The following LAMC1 variants were observed in gnomAD, a reference collection of about 807,000 sequenced individuals.
The protein encoded by LAMC1 is laminin subunit gamma 1, also known as laminin subunit gamma-1.
A neutral mutation model predicts 173.6 loss-of-function variants in LAMC1; 38 were observed. The ratio of observed to expected loss-of-function variants is 0.22; its 90% confidence interval spans 0.17 to 0.29. The LOEUF (loss-of-function observed/expected upper bound fraction) is 0.29, where lower values mean the gene tolerates loss of function less well. LAMC1 is among the 10% of genes least tolerant of loss of function. The pLI is 1.00. For synonymous variants in LAMC1, 746 were observed against 749.1 expected (o/e 1.00, Z 0.07); for missense variants, 1,824 against 2,051.8 (o/e 0.89, Z 2.14).
At chr1:183,028,682 A>G (rs888293495) in intron 1 of LAMC1, among the ~76,000 whole-genome samples, 5 of 152,214 alleles carry the variant, frequency 3.3e-5, no homozygotes, top group African/African-American at 7.2e-5. Flanking sequence ...TTAAAATTTC[A>G]TGTATACCCT....
intron 1 of LAMC1, among the ~76,000 whole-genome samples, chr1:183,091,527 C>G (rs926899402): frequency 7.9e-5 from 12 of 152,070 alleles, no homozygotes; most frequent in Non-Finnish European, 1.3e-4. Flanking sequence ...TCTCTAATTA[C>G]TATATGAACA....
chr1:183,026,862 CAT>C (rs1276107521), intron 1 of LAMC1, among the ~76,000 whole-genome samples: 3 of 152,110 alleles, frequency 2.0e-5, no homozygotes, highest in Admixed American at 2.0e-4. Flanking sequence ...GAAAATGAAA[CAT>C]GACATTGTAA....
intron 1 of LAMC1, among the ~76,000 whole-genome samples, chr1:183,035,430 T>C (rs1056359976): frequency 6.6e-6 from 1 of 152,116 alleles, no homozygotes; most frequent in African/African-American, 2.4e-5. Flanking sequence ...CGAGCAATCC[T>C]CCTGCCTTGG....
rs771211298 is a variant in LAMC1 at position 183,128,614 on chromosome 1, G to A, written c.3144G>A (p.Lys1048=). ...VKDKVADHRV[K]LQELESLIAN... ...TTTAGGTTGCTGATCATAGAGTGAAGCTCCAGGAATTAGAGAGTCTCATAG... is the reference window on the plus strand; with the variant it reads ...TTTAGGTTGCTGATCATAGAGTGAAACTCCAGGAATTAGAGAGTCTCATAG... Residue 1048 remains lysine (K), a synonymous_variant, in exon 18 of 28, where the codon AAG becomes AAA. Transcript: ENST00000258341. The A allele has an allele frequency of 2.5e-5, 40 of 1,609,968 alleles. No homozygotes were observed. In the Middle Eastern group the frequency reaches 1.3e-3, roughly 53 times the overall value.
At chr1:183,138,836 C>G (rs930061333) in intron 26 of LAMC1, among the ~76,000 whole-genome samples, 1 of 152,042 alleles carries the variant, frequency 6.6e-6, no homozygotes, top group African/African-American at 2.4e-5. Context: ...GGTGGATCGC[C>G]TGTGGTCAGG....
rs149354039 is a variant in LAMC1, at chr1:183,103,403, G to T, written c.494G>T (p.Arg165Leu). ...SRPESFAIYK[R>L]TREDGPWIPY... ...CCGGAGAGCTTTGCCATTTACAAGC[G>T]CACACGGGAAGACGGGCCCTGGATT... is the stretch of plus-strand genomic sequence containing the variant. Residue 165 changes from arginine to leucine, a missense_variant, in exon 2 of 28, where the codon CGC becomes CTC. Coordinates refer to ENST00000258341, the MANE Select transcript of LAMC1 (RefSeq NM_002293.4). 1.2e-6 allele frequency: 2 copies of T among 1,614,096 alleles called. No homozygotes were observed. Among genetic ancestry groups the T allele is most frequent in the East Asian group, 2.2e-5 (1 of 44,876 alleles).
In LAMC1 at chr1:183,122,249, C is replaced by T. The variant is rs1656497296; in HGVS notation, c.2399C>T (p.Thr800Ile). 6.2e-7 allele frequency: 1 copy of T among 1,613,674 alleles called. No homozygotes were observed. Among genetic ancestry groups the T allele is most frequent in the African/African-American group, 1.3e-5 (1 of 74,912 alleles). The change falls in exon 13 of 28, where the codon ACT becomes ATT. Residue 800 changes from threonine (T) to isoleucine (I), a missense_variant and splice_region_variant. Physicochemically the swap from Thr to Ile is moderately conservative, Grantham distance 89. Transcript: ENST00000258341. ...TGCACCAACTGTCCTACTGGCACCA[C>T]TGGTAAGTCTGCTCGCTTCATCTGC... Reference protein sequence around the residue: ...VVCTNCPTGTTGKRCELCDDG... With the variant: ...VVCTNCPTGTIGKRCELCDDG...
At chr1:183,039,568 T>C (rs1427558614) in intron 1 of LAMC1, among the ~76,000 whole-genome samples, 2 of 152,224 alleles carry the variant, frequency 1.3e-5, no homozygotes, top group African/African-American at 4.8e-5. Flanking sequence ...AGGCTCTTGC[T>C]GGGTTGTTTA....
intron 6 of LAMC1, 31 bp from the exon 7 acceptor site, chr1:183,116,546 C>T (rs758118528): frequency 3.5e-6 from 5 of 1,431,360 alleles, no homozygotes; most frequent in Non-Finnish European, 4.9e-6. Context: ...TCTCCCTTCT[C>T]TGATTGTTTT....
chr1:183,106,397 G>A (rs1655979056), intron 2 of LAMC1, among the ~76,000 whole-genome samples: 1 of 152,196 alleles, frequency 6.6e-6, no homozygotes, highest in Non-Finnish European at 1.5e-5. Context: ...TGGTGAAATC[G>A]TCGTCTCTTT....
chr1:183,133,577 C>A, intron 22 of LAMC1, 27 bp downstream of exon 22: 2 of 1,582,532 alleles, frequency 1.3e-6, no homozygotes, highest in Non-Finnish European at 1.7e-6. Flanking sequence ...TACGCACAGC[C>A]CCACCCCGTC....
chr1:183,112,211 C>T (rs1275658018), intron 4 of LAMC1, among the ~76,000 whole-genome samples: 3 of 152,194 alleles, frequency 2.0e-5, no homozygotes, highest in Non-Finnish European at 4.4e-5. Context: ...TTTGTAAGCA[C>T]TTGCTTGACC....
In LAMC1 at chr1:183,130,372, A is replaced by G. The variant is rs145396708; in HGVS notation, c.3309A>G (p.Leu1103=). 2.4e-4 allele frequency: 391 copies of G among 1,614,146 alleles called. 3 individuals are homozygous for G. The East Asian group carries it at 6.5e-3, about 27-fold the overall frequency. The change falls in exon 19 of 28, where the codon CTA becomes CTG. Residue 1103 remains leucine (L), a synonymous_variant. Transcript: ENST00000258341. The stretch of plus-strand genomic sequence containing the variant: ...TTGACCAGAATTTGATGGATCGCCT[A>G]CAGAGAGTGAATAACACTCTGTCCA... The part of the protein sequence containing the change: ...KDVDQNLMDR[L]QRVNNTLSSQ...
intron 1 of LAMC1, among the ~76,000 whole-genome samples, chr1:183,073,852 G>C (rs2102043000): frequency 6.6e-6 from 1 of 152,270 alleles, no homozygotes; most frequent in South Asian, 2.1e-4. Flanking sequence ...TTACAGCTGT[G>C]TTTAGTATGC....
intron 5 of LAMC1, among the ~76,000 whole-genome samples, chr1:183,114,978 A>G (rs1312268725): frequency 6.6e-6 from 1 of 152,238 alleles, no homozygotes. Flanking sequence ...CAGCAGGATC[A>G]TAGAGACAAT....
Position 183,023,804 on chromosome 1 carries a change from G to A in LAMC1, c.88G>A (p.Ala30Thr), listed in dbSNP as rs752851414. 1 of 1,519,366 alleles carries A rather than the reference G, an allele frequency of 6.6e-7. No individual in the cohort carries two copies. The highest frequency in any genetic ancestry group is 1.4e-5 in the African/African-American group (1 of 71,722). 94.1% of individuals were successfully genotyped at this position (1,519,366 alleles called of 1,614,324 possible). Residue 30 changes from alanine (A) to threonine (T), a missense_variant, in exon 1 of 28, where the codon GCG (alanine) becomes ACG (threonine). Physicochemically the swap from Ala to Thr is moderately conservative, Grantham distance 58. Transcript: ENST00000258341. ...VLAVLAAAAA[A>T]GCAQAAMDEC... ...GGCCGTGCTGGCGGCGGCCGCCGCG[G>A]CGGGCTGTGCCCAGGCAGCCATGGA... is the stretch of plus-strand genomic sequence containing the variant.
At chr1:183,136,324 TG>T in intron 24 of LAMC1, 61 bp from the exon 25 acceptor site, 1 of 1,460,726 alleles carries the variant, frequency 6.8e-7, no homozygotes, top group Non-Finnish European at 9.6e-7. Flanking sequence ...TGGAACTCCC[TG>T]AAAGGCCCCC....
Position 183,110,568 on chromosome 1 carries a change from A to T in LAMC1, c.935A>T (p.Tyr312Phe). The change falls in exon 4 of 28, where the codon TAT becomes TTT. Residue 312 changes from tyrosine to phenylalanine, a missense_variant. Tyr to Phe is a conservative substitution (Grantham distance 22). Transcript: ENST00000258341. Reference protein sequence around the residue: ...KLVCNCKHNTYGVDCEKCLPF... With the variant: ...KLVCNCKHNTFGVDCEKCLPF... ...GTGTGTAATTGCAAACATAACACAT[A>T]TGGAGTAGACTGTGAAAAGTGTCTT... 1 of 1,614,032 alleles carries T rather than the reference A, an allele frequency of 6.2e-7. No individual in the cohort carries two copies. Among genetic ancestry groups the T allele is most frequent in the Non-Finnish European group, 8.5e-7 (1 of 1,179,880 alleles).
At chr1:183,048,583 G>A (rs973436804) in intron 1 of LAMC1, among the ~76,000 whole-genome samples, 3 of 152,110 alleles carry the variant, frequency 2.0e-5, no homozygotes, top group Non-Finnish European at 2.9e-5. Flanking sequence ...CTATTAAAAG[G>A]CGTGTATTTC....
Sources: gnomAD v4.1 joint callset for allele counts (sites outside exome capture counted in the v4.1 genomes callset) on GRCh38, gnomAD v4.1.1 for gene constraint, MANE v1.5 for transcripts, NCBI Gene and HGNC (gene_info 2026-07-23, HGNC 2026-07-21) for gene names.